SMYD3: variants seen among roughly 807,000 people sequenced by gnomAD.
SMYD3 encodes SET and MYND domain containing 3.
In SMYD3, 36 loss-of-function variants were observed where a neutral mutation model predicts 57.7. The ratio of observed to expected loss-of-function variants is 0.62; its 90% CI spans 0.48 to 0.82. The LOEUF is 0.82. SMYD3 is among the 40% of genes least tolerant of loss of function. SMYD3 has a pLI of 0.00. For synonymous variants in SMYD3, 211 were observed against 195.0 expected, an observed-to-expected ratio of 1.08 and a Z score of -0.68; for missense variants, 515 against 538.8, an observed-to-expected ratio of 0.96 and a Z score of 0.44.
rs992957560 is a variant in SMYD3, at chr1:245,919,537, A to G, written c.703-3897T>C. Among the ~76,000 whole-genome samples the G allele has an allele frequency of 4.6e-5, 7 of 152,228 alleles. No individual in the cohort carries two copies. In the East Asian group the frequency reaches 7.7e-4, roughly 17 times the overall value. On this transcript the variant is annotated intron_variant, in intron 7 of 11. Coordinates refer to ENST00000490107, the MANE Select transcript of SMYD3 (RefSeq NM_001167740.2). ...CCATTTTTGTGCTTCTTTTATGCCA[A>G]TGAAGTCTGCAGAATATCTGGTTAT...
At chr1:246,311,501 G>A (rs2065078598) in intron 5 of SMYD3, among the ~76,000 whole-genome samples, 2 of 152,200 alleles carry the variant, frequency 1.3e-5, no homozygotes, top group South Asian at 4.1e-4. Flanking sequence ...TGTTGACAAA[G>A]CACAAGCCCA....
At chr1:246,250,133 T>C (rs772123289) in intron 5 of SMYD3, among the ~76,000 whole-genome samples, 1 of 152,236 alleles carries the variant, frequency 6.6e-6, no homozygotes, top group African/African-American at 2.4e-5. Context: ...TATATTCCTG[T>C]GTTCCTCCTT....
At chr1:246,140,393 A>C (rs1339994994) in intron 5 of SMYD3, among the ~76,000 whole-genome samples, 1 of 152,222 alleles carries the variant, frequency 6.6e-6, no homozygotes, top group Non-Finnish European at 1.5e-5. Flanking sequence ...TACACTTTCT[A>C]GCAACAATAT....
intron 10 of SMYD3, among the ~76,000 whole-genome samples, chr1:245,775,324 G>A (rs914514954): frequency 6.6e-6 from 1 of 152,202 alleles, no homozygotes; most frequent in Non-Finnish European, 1.5e-5. Flanking sequence ...TGCTGTGTCT[G>A]TGTAGAAAGT....
At position 246,258,936 on chromosome 1, in the gene SMYD3, G is replaced by A. The variant is rs144340335; in HGVS notation, c.531+68265C>T. On this transcript the variant is annotated intron_variant, in intron 5 of 11. Transcript: ENST00000490107. ...ATTAAATTATTTTTTCTTCCTTTTT[G>A]TCTGACTGGGTTAATTCAAAAGACT... Among the ~76,000 whole-genome samples the A allele has an allele frequency of 1.6e-3, 239 of 151,286 alleles. 1 individual carries two copies. Among genetic ancestry groups the A allele is most frequent in the African/African-American group, 5.3e-3 (220 of 41,208 alleles).
At chr1:246,356,090 C>T (rs781409695) in intron 1 of SMYD3, among the ~76,000 whole-genome samples, 23 of 152,084 alleles carry the variant, frequency 1.5e-4, no homozygotes, top group Admixed American at 2.0e-4. Flanking sequence ...GTCCACTTCA[C>T]GCCCCTGCTA....
At chr1:246,296,885 T>C (rs2064805165) in intron 5 of SMYD3, among the ~76,000 whole-genome samples, 1 of 152,206 alleles carries the variant, frequency 6.6e-6, no homozygotes, top group Non-Finnish European at 1.5e-5. Context: ...GAGATAGCGT[T>C]CTTAAAGATC....
At chr1:246,109,339 T>C (rs10802334) in intron 5 of SMYD3, among the ~76,000 whole-genome samples, 26,575 of 152,158 alleles carry the variant, frequency 0.17, 3,002 homozygotes, top group East Asian at 0.41. Flanking sequence ...TTCATTACCA[T>C]ATAACTGGAC....
chr1:245,822,345 A>G (rs1163418886), intron 10 of SMYD3, among the ~76,000 whole-genome samples: 2 of 145,404 alleles, frequency 1.4e-5, no homozygotes, highest in African/African-American at 5.1e-5. Flanking sequence ...GGAATTGAAC[A>G]ATGAGATCAC....
chr1:246,144,200 T>C (rs1044181683), intron 5 of SMYD3, among the ~76,000 whole-genome samples: 5 of 152,212 alleles, frequency 3.3e-5, no homozygotes, highest in African/African-American at 1.2e-4. Flanking sequence ...GCCATGTCCC[T>C]GGCACTCTTC....
intron 10 of SMYD3, among the ~76,000 whole-genome samples, chr1:245,792,889 T>G (rs113870064): frequency 3.3e-4 from 51 of 152,242 alleles, no homozygotes; most frequent in African/African-American, 1.1e-3. Flanking sequence ...TGCCATCCAG[T>G]ACCATAATGA....
At chr1:246,475,945 A>T (rs1349436462) in intron 1 of SMYD3, among the ~76,000 whole-genome samples, 1 of 152,194 alleles carries the variant, frequency 6.6e-6, no homozygotes, top group African/African-American at 2.4e-5. Flanking sequence ...TAGCTAAAAT[A>T]GATTTTATTC....
chr1:245,816,715 G>C (rs937620790), intron 10 of SMYD3, among the ~76,000 whole-genome samples: 3 of 152,148 alleles, frequency 2.0e-5, no homozygotes, highest in Non-Finnish European at 4.4e-5. Context: ...CCGAAGCAGG[G>C]TAAGGCAATG....
intron 5 of SMYD3, among the ~76,000 whole-genome samples, chr1:246,309,727 T>G (rs2065043623): frequency 6.6e-6 from 1 of 152,042 alleles, no homozygotes; most frequent in Non-Finnish European, 1.5e-5. Context: ...CGGCCAAGAG[T>G]CTTTACTAGC....
chr1:246,281,161 T>C (rs777784652), intron 5 of SMYD3, among the ~76,000 whole-genome samples: 2 of 152,190 alleles, frequency 1.3e-5, no homozygotes, highest in Non-Finnish European at 2.9e-5. Flanking sequence ...AGAATTCAAT[T>C]CTAGCATATC....
intron 1 of SMYD3, among the ~76,000 whole-genome samples, chr1:246,361,025 G>A (rs2065978554): frequency 1.3e-5 from 2 of 152,048 alleles, no homozygotes; most frequent in African/African-American, 4.8e-5. Flanking sequence ...CCACAGAGTG[G>A]GAGAAAATCT....
At chr1:246,125,292 C>A (rs1330716959) in intron 5 of SMYD3, among the ~76,000 whole-genome samples, 1 of 152,138 alleles carries the variant, frequency 6.6e-6, no homozygotes, top group Admixed American at 6.5e-5. Context: ...TTTAAGTCAT[C>A]AGAATATAAC....
chr1:246,092,899 T>C (rs558853374), intron 5 of SMYD3, among the ~76,000 whole-genome samples: 1 of 149,272 alleles, frequency 6.7e-6, no homozygotes, highest in Admixed American at 6.7e-5. Context: ...CTCAACTCAA[T>C]AGCAAAAAAA....
rs1186881371 is a variant in SMYD3 at position 245,858,543 on chromosome 1, C to T, written c.1029G>A (p.Leu343=). The stretch of plus-strand genomic sequence containing the variant: ...TACCATAGAACAAGGCTTCCTCCAA[C>T]AGGCCGAGGTTGATGCAGGCATCCA... ...CAMDACINLG[L]LEEALFYGTR... is the part of the protein sequence containing the mutation. The change falls in exon 10 of 12, where the codon CTG becomes CTA. Residue 343 remains leucine (L), a synonymous_variant. Transcript: ENST00000490107. 5 of 1,614,094 alleles carry T rather than the reference C, an allele frequency of 3.1e-6. No individual in the cohort carries two copies. In the African/African-American group the frequency reaches 5.3e-5, roughly 17 times the overall value.
Sources: allele counts gnomAD v4.1 joint callset (sites outside exome capture counted in the v4.1 genomes callset), GRCh38; gene constraint gnomAD v4.1.1; transcripts MANE v1.5; gene names NCBI Gene and HGNC (gene_info 2026-07-23, HGNC 2026-07-21).